Variants in SDK1 observed in about 807,000 individuals in gnomAD.
SDK1 encodes sidekick cell adhesion molecule 1, also known as protein sidekick-1.
A neutral mutation model predicts 245.5 loss-of-function variants in SDK1; 157 were observed. The ratio of observed to expected loss-of-function variants is 0.64; its 90% confidence interval spans 0.56 to 0.73. The LOEUF (loss-of-function observed/expected upper bound fraction) is 0.73, where lower values mean the gene tolerates loss of function less well. Ranked by LOEUF, SDK1 falls within the 30% of genes least tolerant of loss-of-function variation. The probability of loss-of-function intolerance (pLI) is 0.00; values close to 1 mark genes in which losing one functional copy is unlikely to be tolerated. For synonymous variants in SDK1, 1,647 were observed against 1,278.5 expected (o/e 1.29, Z -6.15); for missense variants, 3,583 against 3,002.3 (o/e 1.19, Z -4.52).
intron 5 of SDK1, among the ~76,000 whole-genome samples, chr7:3,874,215 C>T (rs186222473): frequency 2.0e-5 from 3 of 152,292 alleles, no homozygotes; most frequent in Admixed American, 2.0e-4. Flanking sequence ...GCCTAAGTTT[C>T]TCTAGTGGAA....
intron 1 of SDK1, among the ~76,000 whole-genome samples, chr7:3,576,234 A>T (rs1205339169): frequency 6.6e-6 from 1 of 152,152 alleles, no homozygotes; most frequent in Non-Finnish European, 1.5e-5. Flanking sequence ...CTTCTCTTTT[A>T]TGCTCATCAC....
intron 30 of SDK1, among the ~76,000 whole-genome samples, chr7:4,151,480 C>T (rs992534865): frequency 2.0e-5 from 3 of 152,282 alleles, no homozygotes; most frequent in Admixed American, 6.5e-5. Context: ...AAAGCTGTTC[C>T]GTCCCCACAA....
Position 4,265,697 on chromosome 7 carries a change from G to T in SDK1, c.*313G>T. Reference sequence around the variant, plus strand: ...GGACCTCAGACCTCCCCAGCCCTGGGTTTCTCCGTCTTCAAGACCAACTAG... The same window carrying T: ...GGACCTCAGACCTCCCCAGCCCTGGTTTTCTCCGTCTTCAAGACCAACTAG... On this transcript the variant is annotated 3_prime_UTR_variant, in exon 45 of 45. Coordinates refer to ENST00000404826, the MANE Select transcript of SDK1 (RefSeq NM_152744.4). The T allele has an allele frequency of 8.8e-7, 1 of 1,139,000 alleles. No individual in the cohort carries two copies. The allele number at this position is 1,139,000 out of a possible 1,614,324, so 70.6% of individuals were successfully genotyped here. A position where few individuals can be genotyped will look rare whatever the true frequency, so the allele number is the denominator to read the frequency against.
chr7:3,410,723 G>T (rs1278725831), intron 1 of SDK1, among the ~76,000 whole-genome samples: 1 of 151,646 alleles, frequency 6.6e-6, no homozygotes, highest in Non-Finnish European at 1.5e-5. Flanking sequence ...AGTAGCTGGG[G>T]TTACAGGCAC....
intron 22 of SDK1, 135 bp downstream of exon 22, chr7:4,079,719 T>A: frequency 7.9e-7 from 1 of 1,268,804 alleles, no homozygotes; most frequent in South Asian, 1.5e-5. Flanking sequence ...AACCAGGGGC[T>A]GGAGATAGCC....
chr7:3,332,523 G>T (rs946257318), intron 1 of SDK1, among the ~76,000 whole-genome samples: 1 of 152,078 alleles, frequency 6.6e-6, no homozygotes, highest in African/African-American at 2.4e-5. Flanking sequence ...CATTATAAAG[G>T]CATGATAATG....
intron 1 of SDK1, among the ~76,000 whole-genome samples, chr7:3,449,970 G>T (rs934015528): frequency 1.3e-5 from 2 of 152,230 alleles, no homozygotes; most frequent in African/African-American, 2.4e-5. Flanking sequence ...CAGACTGGCT[G>T]TTGGGGGGTC....
intron 5 of SDK1, among the ~76,000 whole-genome samples, chr7:3,877,905 A>C (rs1781113657): frequency 6.6e-6 from 1 of 152,254 alleles, no homozygotes; most frequent in African/African-American, 2.4e-5. Context: ...ACTGCAGTGA[A>C]CTGCCTTACA....
rs560124026 is a variant in SDK1 at position 3,357,328 on chromosome 7, GTTTTTTTTTTTTTTTTTTTTT to G, written c.298+55463_298+55483del. Among the ~76,000 whole-genome samples the G allele has an allele frequency of 3.2e-4, 17 of 52,950 alleles. 1 individual carries two copies. The Middle Eastern group carries it at 0.039, about 123-fold the overall frequency. The allele number at this position is 52,950 out of a possible 152,430, so 34.7% of individuals were successfully genotyped here. A position where few individuals can be genotyped will look rare whatever the true frequency, so the allele number is the denominator to read the frequency against. ...TTACTCTTGCTCCCCTTCTTTTAGTGTTTTTTTTTTTTTTTTTTTTTTTTTTTTTTTTTTTTTTTGAGGCAG... is the reference window on the plus strand; with the variant it reads ...TTACTCTTGCTCCCCTTCTTTTAGTGTTTTTTTTTTTTTTTTTTGAGGCAG... On this transcript the variant is annotated intron_variant, in intron 1 of 44. Transcript: ENST00000404826.
intron 1 of SDK1, among the ~76,000 whole-genome samples, chr7:3,383,032 C>G (rs1272038732): frequency 6.6e-6 from 1 of 152,122 alleles, no homozygotes; most frequent in Non-Finnish European, 1.5e-5. Context: ...TAGCAAATCA[C>G]CCACTCTCCC....
chr7:3,720,762 A>T (rs566055074), intron 4 of SDK1, among the ~76,000 whole-genome samples: 1 of 152,232 alleles, frequency 6.6e-6, no homozygotes, highest in Non-Finnish European at 1.5e-5. Flanking sequence ...ATCTCAGAGA[A>T]TGAAAACTAC....
intron 1 of SDK1, among the ~76,000 whole-genome samples, chr7:3,592,341 A>C (rs937649748): frequency 3.9e-5 from 6 of 152,228 alleles, no homozygotes; most frequent in Admixed American, 3.9e-4. Flanking sequence ...GATGTTCCAG[A>C]ATAACAGAAT....
chr7:3,722,830 C>T (rs189160641), intron 4 of SDK1, among the ~76,000 whole-genome samples: 2 of 152,186 alleles, frequency 1.3e-5, no homozygotes, highest in African/African-American at 2.4e-5. Context: ...TTCTGGCTCA[C>T]AGGGCCATCT....
intron 14 of SDK1, among the ~76,000 whole-genome samples, chr7:4,009,329 C>T (rs769827365): frequency 4.6e-5 from 7 of 152,178 alleles, no homozygotes; most frequent in Admixed American, 6.6e-5. Context: ...AGTCTGGTTG[C>T]CCTGATACTG....
chr7:4,216,358 C>T (rs1784795891), intron 38 of SDK1, among the ~76,000 whole-genome samples: 1 of 152,228 alleles, frequency 6.6e-6, no homozygotes, highest in Non-Finnish European at 1.5e-5. Flanking sequence ...CCCACGGCCG[C>T]TGCTCCCACT....
At chr7:3,301,917 T>TCGCCTCGGGGCGCGGAGGCGC (rs1273603618) in intron 1 of SDK1, 33 bp downstream of exon 1, 1 of 1,127,670 alleles carries the variant, frequency 8.9e-7, no homozygotes, top group African/African-American at 1.6e-5. Flanking sequence ...GCCGGGGGCG[T>TCGCCTCGGGGCGCGGAGGCGC]CGCCTCGGGG....
At chr7:3,495,213 G>T (rs543368800) in intron 1 of SDK1, among the ~76,000 whole-genome samples, 13 of 151,198 alleles carry the variant, frequency 8.6e-5, no homozygotes, top group Admixed American at 2.6e-4. Context: ...TCATTTCAGC[G>T]AGGCCCCTTT....
At chr7:3,998,816 G>A (rs957882255) in intron 14 of SDK1, among the ~76,000 whole-genome samples, 5 of 152,114 alleles carry the variant, frequency 3.3e-5, no homozygotes, top group African/African-American at 4.8e-5. Flanking sequence ...CCGTGCAGTC[G>A]GCGTCTCCAC....
chr7:3,311,184 G>C, intron 1 of SDK1, among the ~76,000 whole-genome samples: 1 of 152,138 alleles, frequency 6.6e-6, no homozygotes, highest in Middle Eastern at 3.2e-3. Context: ...AGGGCGATGG[G>C]CCTGGGGGGA....
Sources: gnomAD v4.1 joint callset for allele counts (sites outside exome capture counted in the v4.1 genomes callset) on GRCh38, gnomAD v4.1.1 for gene constraint, MANE v1.5 for transcripts, NCBI Gene and HGNC (gene_info 2026-07-23, HGNC 2026-07-21) for gene names.